PCDH7: variants seen among roughly 807,000 people sequenced by gnomAD.
PCDH7 encodes the protein protocadherin 7, also known as protocadherin-7.
Under a neutral mutation model 58.9 loss-of-function variants are expected in PCDH7, and 17 were observed. The ratio of observed to expected loss-of-function variants is 0.29; its 90% CI spans 0.20 to 0.43. PCDH7 has a LOEUF of 0.43. Ranked by LOEUF, PCDH7 falls within the 20% of genes least tolerant of loss-of-function variation. PCDH7 has a pLI of 1.00. For missense variants in PCDH7, 1,274 were observed against 1,441.0 expected, an observed-to-expected ratio of 0.88 and a Z score of 1.88; for synonymous variants, 664 against 616.4, an observed-to-expected ratio of 1.08 and a Z score of -1.14.
intron 1 of PCDH7, among the ~76,000 whole-genome samples, chr4:30,805,376 G>A (rs564137702): frequency 6.6e-6 from 1 of 152,252 alleles, no homozygotes; most frequent in African/African-American, 2.4e-5. Context: ...GTTTCTTAAT[G>A]TCTGTACTTT....
intron 3 of PCDH7, among the ~76,000 whole-genome samples, chr4:31,057,530 T>C (rs1553932507): frequency 6.6e-6 from 1 of 152,194 alleles, no homozygotes; most frequent in Non-Finnish European, 1.5e-5. Flanking sequence ...TAAGGTCACA[T>C]GCCAGTTAGC....
chr4:30,952,709 G>C (rs1578400357), intron 3 of PCDH7, among the ~76,000 whole-genome samples: 1 of 152,186 alleles, frequency 6.6e-6, no homozygotes, highest in East Asian at 1.9e-4. Flanking sequence ...GAAGAAAAAG[G>C]GTAATTTAAG....
intron 3 of PCDH7, among the ~76,000 whole-genome samples, chr4:30,981,919 G>C (rs1393446048): frequency 6.6e-6 from 1 of 151,944 alleles, no homozygotes; most frequent in Non-Finnish European, 1.5e-5. Context: ...TATTTCTATT[G>C]GTACATGAAC....
At chr4:30,880,448 A>G (rs926183080) in intron 1 of PCDH7, among the ~76,000 whole-genome samples, 1 of 152,194 alleles carries the variant, frequency 6.6e-6, no homozygotes, top group Non-Finnish European at 1.5e-5. Flanking sequence ...CAGAGGTATC[A>G]TAGTTGTGAT....
intron 1 of PCDH7, among the ~76,000 whole-genome samples, chr4:30,777,250 T>A (rs1274385189): frequency 6.6e-6 from 1 of 152,178 alleles, no homozygotes. Flanking sequence ...CATGTCAGCC[T>A]GAAACCTTAC....
intron 3 of PCDH7, among the ~76,000 whole-genome samples, chr4:31,008,903 G>T (rs934837705): frequency 1.3e-5 from 2 of 151,810 alleles, no homozygotes; most frequent in African/African-American, 4.8e-5. Flanking sequence ...TCTCAAATTT[G>T]CAGAGTTATG....
intron 1 of PCDH7, among the ~76,000 whole-genome samples, chr4:30,884,036 G>A (rs1157561068): frequency 6.6e-6 from 1 of 152,002 alleles, no homozygotes; most frequent in African/African-American, 2.4e-5. Flanking sequence ...ACTTTTTCCT[G>A]GTTGCCCTAT....
chr4:30,959,548 A>G (rs560802105), intron 3 of PCDH7, among the ~76,000 whole-genome samples: 3 of 152,314 alleles, frequency 2.0e-5, no homozygotes, highest in Admixed American at 2.0e-4. Context: ...ACATGACTAT[A>G]GTTTGCACAG....
chr4:30,949,182 T>G (rs1747070144), intron 2 of PCDH7, among the ~76,000 whole-genome samples: 1 of 152,152 alleles, frequency 6.6e-6, no homozygotes. Context: ...CTTTTCTTCA[T>G]AAAATACACA....
intron 1 of PCDH7, among the ~76,000 whole-genome samples, chr4:30,898,915 G>T (rs1344958084): frequency 6.6e-6 from 1 of 151,764 alleles, no homozygotes; most frequent in African/African-American, 2.4e-5. Context: ...TTTAGCAAAT[G>T]CCTTTTTTTT....
At chr4:30,742,039 T>C (rs1187975237) in intron 1 of PCDH7, among the ~76,000 whole-genome samples, 1 of 152,202 alleles carries the variant, frequency 6.6e-6, no homozygotes, top group African/African-American at 2.4e-5. Flanking sequence ...TTGTGAGTCT[T>C]TGTATTCATT....
At chr4:31,141,973 T>C (rs1376366090) in intron 3 of PCDH7, among the ~76,000 whole-genome samples, 1 of 152,194 alleles carries the variant, frequency 6.6e-6, no homozygotes, top group African/African-American at 2.4e-5. Context: ...TCTTAGAATG[T>C]ATTTTAAATA....
At chr4:30,724,845 G>T in intron 1 of PCDH7, 1 of 1,304,186 alleles carries the variant, frequency 7.7e-7, no homozygotes, top group East Asian at 3.0e-5. Context: ...GGCAGTGTTT[G>T]GCAGTTCTCT....
At chr4:31,124,918 G>T (rs1718119419) in intron 3 of PCDH7, among the ~76,000 whole-genome samples, 1 of 152,122 alleles carries the variant, frequency 6.6e-6, no homozygotes, top group Non-Finnish European at 1.5e-5. Context: ...GCCAAGGAGT[G>T]GTTCAGCATC....
intron 1 of PCDH7, among the ~76,000 whole-genome samples, chr4:30,866,244 T>C (rs1734863972): frequency 6.6e-6 from 1 of 152,056 alleles, no homozygotes; most frequent in Non-Finnish European, 1.5e-5. Context: ...TGAGGGGAGA[T>C]TTGAGAAGTT....
intron 1 of PCDH7, among the ~76,000 whole-genome samples, chr4:30,837,916 T>TAA (rs1491075456): frequency 7.2e-6 from 1 of 139,290 alleles, no homozygotes; most frequent in Non-Finnish European, 1.6e-5. Context: ...TATATATATA[T>TAA]AACATTATTG....
chr4:31,075,119 T>C (rs1360902233), intron 3 of PCDH7, among the ~76,000 whole-genome samples: 1 of 152,138 alleles, frequency 6.6e-6, no homozygotes, highest in African/African-American at 2.4e-5. Context: ...TTATATTTAT[T>C]ATGTGCACCC....
intron 3 of PCDH7, among the ~76,000 whole-genome samples, chr4:30,953,358 A>G (rs1747546763): frequency 6.6e-6 from 1 of 151,732 alleles, no homozygotes; most frequent in South Asian, 2.1e-4. Context: ...ATGTCTATCT[A>G]TTTTCTTTTT....
intron 1 of PCDH7, among the ~76,000 whole-genome samples, chr4:30,764,347 A>G (rs1245147512): frequency 1.3e-5 from 2 of 152,208 alleles, no homozygotes; most frequent in African/African-American, 2.4e-5. Flanking sequence ...CGTATGCTTA[A>G]TGGGTACTTT....
Sources: gnomAD v4.1 joint callset for allele counts (sites outside exome capture counted in the v4.1 genomes callset) on GRCh38, gnomAD v4.1.1 for gene constraint, MANE v1.5 for transcripts, NCBI Gene and HGNC (gene_info 2026-07-23, HGNC 2026-07-21) for gene names.